Variants in NRG2 observed in about 807,000 individuals in gnomAD.
NRG2 encodes neuregulin 2.
NRG2 carries 27 observed loss-of-function variants against 73.9 expected under a neutral mutation model. That is an observed-to-expected ratio of 0.37 (90% CI 0.27 to 0.50). The LOEUF is 0.50. NRG2 is among the 20% of genes least tolerant of loss of function. NRG2 has a pLI of 0.96. For synonymous variants in NRG2, 532 were observed against 541.0 expected (o/e 0.98, Z 0.23); for missense variants, 1,126 against 1,210.1 (o/e 0.93, Z 1.03).
At chr5:139,890,346 A>G (rs1764126479) in intron 1 of NRG2, among the ~76,000 whole-genome samples, 1 of 151,964 alleles carries the variant, frequency 6.6e-6, no homozygotes. Flanking sequence ...ATTTGTAAGA[A>G]CTTTTTATAA....
At chr5:140,010,116 G>A (rs1257263246) in intron 1 of NRG2, among the ~76,000 whole-genome samples, 1 of 152,056 alleles carries the variant, frequency 6.6e-6, no homozygotes, top group Non-Finnish European at 1.5e-5. Flanking sequence ...TGGCCAACGT[G>A]GTGAAACCCT....
At chr5:140,012,602 C>T (rs1759450112) in intron 1 of NRG2, among the ~76,000 whole-genome samples, 1 of 152,110 alleles carries the variant, frequency 6.6e-6, no homozygotes, top group African/African-American at 2.4e-5. Context: ...GCAACCCTTC[C>T]ATGATATCAA....
At chr5:139,942,315 A>C (rs1460031304) in intron 1 of NRG2, among the ~76,000 whole-genome samples, 11 of 152,234 alleles carry the variant, frequency 7.2e-5, no homozygotes, top group Admixed American at 7.2e-4. Flanking sequence ...CCTGTAGATA[A>C]ATAATACAAT....
intron 1 of NRG2, among the ~76,000 whole-genome samples, chr5:139,924,210 G>C (rs1751881855): frequency 6.6e-6 from 1 of 152,224 alleles, no homozygotes; most frequent in East Asian, 1.9e-4. Flanking sequence ...GCCCCTGGCT[G>C]TCTGGGCTCA....
Position 139,856,965 on chromosome 5 carries a change from G to C in NRG2, c.1190-1187C>G, listed in dbSNP as rs532445097. 1.3e-3 allele frequency among the ~76,000 whole-genome samples: 201 copies of C among 152,250 alleles called. 1 individual carries two copies. Among genetic ancestry groups the C allele is most frequent in the African/African-American group, 4.0e-3 (166 of 41,540 alleles). ...CTCTGTGCCCACAGCCCTGGCTCCA[G>C]CTCTCACGCCCCCTTCACATGCCTC... On this transcript the variant is annotated intron_variant, in intron 5 of 9. Transcript: ENST00000361474. The surrounding 1 kb of genome is among the most constrained non-coding windows in gnomAD (Gnocchi z 4.2).
At chr5:139,922,617 T>G (rs1280796024) in intron 1 of NRG2, among the ~76,000 whole-genome samples, 6 of 152,218 alleles carry the variant, frequency 3.9e-5, no homozygotes, top group Non-Finnish European at 8.8e-5. Flanking sequence ...CCAAATGAGC[T>G]GAAAACTTAT....
At chr5:139,991,372 C>T (rs1273965145) in intron 1 of NRG2, among the ~76,000 whole-genome samples, 4 of 152,216 alleles carry the variant, frequency 2.6e-5, no homozygotes, top group East Asian at 1.9e-4. Flanking sequence ...TATTTCCCTA[C>T]TCAATTTATG....
At chr5:139,886,087 T>C (rs1763850467) in intron 2 of NRG2, among the ~76,000 whole-genome samples, 1 of 152,202 alleles carries the variant, frequency 6.6e-6, no homozygotes, top group Non-Finnish European at 1.5e-5. Context: ...CCACTGGCCA[T>C]GGCAAGTTCC....
chr5:139,881,041 A>G, intron 2 of NRG2, 67 bp from the exon 3 acceptor site: 1 of 1,358,738 alleles, frequency 7.4e-7, no homozygotes, highest in Non-Finnish European at 1.1e-6. Flanking sequence ...CCCAGCAGTC[A>G]CCCAGCGGTT....
Position 139,868,414 on chromosome 5 carries a change from C to T in NRG2, c.1113-2789G>A, listed in dbSNP as rs943811993. Among the ~76,000 whole-genome samples, 36 of 152,182 alleles carry T rather than the reference C, an allele frequency of 2.4e-4. No individual in the cohort carries two copies. The highest frequency in any genetic ancestry group is 8.4e-4 in the African/African-American group (35 of 41,484). Reference sequence around the variant, plus strand: ...GGGGCTGGGTGGTGGTTGGTGGTTTCCACTGAAACTGGGATTGACCCTCTG... The same window carrying T: ...GGGGCTGGGTGGTGGTTGGTGGTTTTCACTGAAACTGGGATTGACCCTCTG... On this transcript the variant is annotated intron_variant, in intron 4 of 9. Coordinates refer to ENST00000361474, the MANE Select transcript of NRG2 (RefSeq NM_004883.3). This position sits in a 1 kb window ranked among gnomAD's most constrained non-coding sequence, Gnocchi z 4.2.
intron 4 of NRG2, among the ~76,000 whole-genome samples, chr5:139,867,177 C>T (rs920791145): frequency 6.6e-6 from 1 of 152,214 alleles, no homozygotes; most frequent in African/African-American, 2.4e-5. Flanking sequence ...GACAGATACT[C>T]ATGAACACCC....
At chr5:139,972,500 G>A (rs112774445) in intron 1 of NRG2, among the ~76,000 whole-genome samples, 17,653 of 152,248 alleles carry the variant, frequency 0.12, 1,262 homozygotes, top group Admixed American at 0.18. Flanking sequence ...CGAGGTGGGC[G>A]GATCACTTGA....
chr5:139,859,930 C>CG (rs3214446), intron 5 of NRG2: 191,022 of 1,608,634 alleles, frequency 0.12, 17,925 homozygotes, highest in African/African-American at 0.49. Context: ...TGCAGAAGAG[C>CG]GAGGGTCACA....
chr5:139,929,206 A>G (rs1222897052), intron 1 of NRG2, among the ~76,000 whole-genome samples: 2 of 152,188 alleles, frequency 1.3e-5, no homozygotes, highest in Non-Finnish European at 2.9e-5. Context: ...ACAGTCTGTC[A>G]TCTGGCCACA....
At chr5:139,892,637 A>G (rs1376271101) in intron 1 of NRG2, among the ~76,000 whole-genome samples, 3 of 152,060 alleles carry the variant, frequency 2.0e-5, no homozygotes, top group Admixed American at 2.0e-4. Context: ...ATGCTAGTGT[A>G]TGGGTATAGA....
rs546978856 is a variant in NRG2 at position 139,856,828 on chromosome 5, GAGTT to G, written c.1190-1054_1190-1051del. On this transcript the variant is annotated intron_variant, in intron 5 of 9. Transcript: ENST00000361474. The surrounding 1 kb of genome is among the most constrained non-coding windows in gnomAD (Gnocchi z 4.2). ...CACACACAACATATGCACACACACA[GAGTT>G]AACCACACACTCCAGCAACAGGTGC... Among the ~76,000 whole-genome samples the G allele has an allele frequency of 6.1e-4, 93 of 152,174 alleles. No homozygotes were observed. The highest frequency in any genetic ancestry group is 2.1e-3 in the African/African-American group (87 of 41,518).
At chr5:139,880,314 C>T (rs905933233) in intron 3 of NRG2, among the ~76,000 whole-genome samples, 8 of 152,074 alleles carry the variant, frequency 5.3e-5, no homozygotes, top group South Asian at 4.2e-4. Flanking sequence ...TAAGAGGTGC[C>T]GTGAGGTCCT....
Position 139,856,383 on chromosome 5 carries a change from G to A in NRG2, c.1190-605C>T, listed in dbSNP as rs1407730050. On this transcript the variant is annotated intron_variant, in intron 5 of 9. Coordinates refer to ENST00000361474, the MANE Select transcript of NRG2 (RefSeq NM_004883.3). This position sits in a 1 kb window ranked among gnomAD's most constrained non-coding sequence, Gnocchi z 4.2. ...GCAAGGAACAGCCCCCACCGTTGCTGAGGAGCTGAGCTAGGCTGGGCCTCA... is the reference window on the plus strand; with the variant it reads ...GCAAGGAACAGCCCCCACCGTTGCTAAGGAGCTGAGCTAGGCTGGGCCTCA... 1.3e-5 allele frequency: 2 copies of A among 154,574 alleles called. No individual in the cohort carries two copies. The highest frequency in any genetic ancestry group is 2.4e-5 in the African/African-American group (1 of 41,516). The allele number at this position is 154,574 out of a possible 1,614,324, so 9.6% of individuals were successfully genotyped here.
intron 1 of NRG2, among the ~76,000 whole-genome samples, chr5:139,990,273 ATATTTTATTTTATTTTATTT>A (rs56983805): frequency 1.4e-4 from 20 of 145,950 alleles, no homozygotes; most frequent in South Asian, 4.4e-4. Context: ...CCCACTAGCA[ATATTTTATTTTATTTTATTT>A]TATTTTATTT....
Sources: allele counts gnomAD v4.1 joint callset (sites outside exome capture counted in the v4.1 genomes callset), GRCh38; gene constraint gnomAD v4.1.1; non-coding constraint Gnocchi (gnomAD v3.1); transcripts MANE v1.5; gene names NCBI Gene and HGNC (gene_info 2026-07-23, HGNC 2026-07-21).